The following RANGAP1 variants were observed in gnomAD, a reference collection of about 807,000 sequenced individuals.
RANGAP1 encodes the protein ran GTPase-activating protein 1.
Under a neutral mutation model 63.5 loss-of-function variants are expected in RANGAP1, and 38 were observed. The ratio of observed to expected loss-of-function variants is 0.60; its 90% CI spans 0.46 to 0.78. RANGAP1 has a LOEUF of 0.78. Ranked by LOEUF, RANGAP1 falls within the 30% of genes least tolerant of loss-of-function variation. RANGAP1 has a pLI of 0.00. For missense variants in RANGAP1, 630 were observed against 740.3 expected (o/e 0.85, Z 1.73); for synonymous variants, 329 against 310.5 (o/e 1.06, Z -0.63).
upstream of RANGAP1, among the ~76,000 whole-genome samples, chr22:41,288,529 A>G (rs1277312410): frequency 6.6e-6 from 1 of 152,124 alleles, no homozygotes; most frequent in African/African-American, 2.4e-5. Context: ...GCTAGGACTG[A>G]TCGAATCAGT....
At position 41,285,987 on chromosome 22, in the gene RANGAP1, G is replaced by T. The variant is rs2035733673; in HGVS notation, c.-40C>A. On this transcript the variant is annotated splice_region_variant and 5_prime_UTR_variant, in exon 1 of 16. Coordinates refer to ENST00000356244, the MANE Select transcript of RANGAP1 (RefSeq NM_002883.4). ...AAAGGAAAGGGACCCTGACTCTACC[G>T]TAAACAGGCGGCGCCGCCGCGTGGG... The T allele has an allele frequency of 6.6e-6, 1 of 152,518 alleles. No homozygotes were observed. Among genetic ancestry groups the T allele is most frequent in the African/African-American group, 2.4e-5 (1 of 41,472 alleles). The allele number at this position is 152,518 out of a possible 1,614,324, so 9.4% of individuals were successfully genotyped here.
chr22:41,268,601 T>G (rs2145782277), intron 3 of RANGAP1, among the ~76,000 whole-genome samples: 1 of 152,210 alleles, frequency 6.6e-6, no homozygotes, highest in East Asian at 1.9e-4. Flanking sequence ...GGACCCATTC[T>G]GGCTGTAGTT....
intron 10 of RANGAP1, among the ~76,000 whole-genome samples, chr22:41,255,060 C>T (rs1162261936): frequency 2.0e-5 from 3 of 151,836 alleles, no homozygotes; most frequent in African/African-American, 2.4e-5. Flanking sequence ...AGACAGAAAA[C>T]GAAGACAGCT....
chr22:41,294,100 G>C, the RANGAP1 span, among the ~76,000 whole-genome samples: 2 of 152,048 alleles, frequency 1.3e-5, no homozygotes, highest in African/African-American at 2.4e-5. Flanking sequence ...CTCTGATGCC[G>C]AGCCGAAGCT....
intron 3 of RANGAP1, among the ~76,000 whole-genome samples, chr22:41,273,835 G>A (rs2034983258): frequency 6.7e-6 from 1 of 148,604 alleles, no homozygotes; most frequent in South Asian, 2.1e-4. Flanking sequence ...CAGCACTTTG[G>A]GAGGCCGAGG....
intron 10 of RANGAP1, 75 bp downstream of exon 10, chr22:41,255,946 T>G (rs1285613840): frequency 1.4e-6 from 2 of 1,427,746 alleles, no homozygotes; most frequent in Non-Finnish European, 1.9e-6. Flanking sequence ...AGAGCAAGAC[T>G]CCATCTCAAG....
At chr22:41,272,605 C>T (rs1024099135) in intron 3 of RANGAP1, among the ~76,000 whole-genome samples, 15 of 152,104 alleles carry the variant, frequency 9.9e-5, no homozygotes, top group African/African-American at 3.4e-4. Flanking sequence ...ACTGCAACCT[C>T]TGCCTCCTGG....
intron 2 of RANGAP1, among the ~76,000 whole-genome samples, chr22:41,279,397 G>A (rs1388149366): frequency 6.6e-6 from 1 of 151,694 alleles, no homozygotes; most frequent in Non-Finnish European, 1.5e-5. Context: ...GTGAACCAGG[G>A]AGGCAGAGCT....
chr22:41,250,854 G>A (rs933417692), intron 13 of RANGAP1, among the ~76,000 whole-genome samples, 153 bp downstream of exon 13: 4 of 152,150 alleles, frequency 2.6e-5, no homozygotes, highest in East Asian at 1.9e-4. Context: ...CTGGCTCCAC[G>A]GCAGGACCCT....
At chr22:41,294,448 G>C in the RANGAP1 span, among the ~76,000 whole-genome samples, 3 of 151,728 alleles carry the variant, frequency 2.0e-5, no homozygotes, top group Non-Finnish European at 4.4e-5. Flanking sequence ...AAAGTGCCGA[G>C]ATTGCAGCCT....
upstream of RANGAP1, among the ~76,000 whole-genome samples, chr22:41,290,869 CAT>C (rs1301780673): frequency 1.3e-5 from 2 of 152,202 alleles, no homozygotes; most frequent in African/African-American, 4.8e-5. Context: ...GTATGCCAGA[CAT>C]GTGAGGAATG....
chr22:41,252,507 C>T (rs2033529739), intron 12 of RANGAP1, among the ~76,000 whole-genome samples: 1 of 152,076 alleles, frequency 6.6e-6, no homozygotes, highest in East Asian at 1.9e-4. Flanking sequence ...ATAGGCACGT[C>T]ACTTCCAAAG....
At chr22:41,276,874 T>C (rs1478598373) in intron 2 of RANGAP1, among the ~76,000 whole-genome samples, 1 of 150,254 alleles carries the variant, frequency 6.7e-6, no homozygotes, top group Non-Finnish European at 1.5e-5. Flanking sequence ...TCCCAGCTGC[T>C]CGGAAGGCTG....
At chr22:41,287,006 G>A (rs1018090679), upstream of RANGAP1, among the ~76,000 whole-genome samples, 83 of 152,208 alleles carry the variant, frequency 5.5e-4, no homozygotes, top group African/African-American at 1.9e-3. Context: ...GCAAGACATG[G>A]TCCTGGATCG....
upstream of RANGAP1, among the ~76,000 whole-genome samples, chr22:41,287,997 A>AT (rs2035793136): frequency 3.9e-5 from 6 of 152,164 alleles, no homozygotes; most frequent in South Asian, 4.1e-4. Flanking sequence ...AAATAAATAA[A>AT]TAAATTAATT....
Position 41,276,934 on chromosome 22 carries a change from G to A in RANGAP1, c.113-2207C>T, listed in dbSNP as rs566725648. Among the ~76,000 whole-genome samples the A allele has an allele frequency of 8.1e-5, 12 of 148,022 alleles. 2 individuals are homozygous for A. The South Asian group carries it at 2.4e-3, about 30-fold the overall frequency. On this transcript the variant is annotated intron_variant, in intron 2 of 15. Coordinates refer to ENST00000356244, the MANE Select transcript of RANGAP1 (RefSeq NM_002883.4). ...CCAGGAGGCGGAGGTAGCAGTGAGCGAGATCTTGCCACTGCACTCCAGCCT... is the reference window on the plus strand; with the variant it reads ...CCAGGAGGCGGAGGTAGCAGTGAGCAAGATCTTGCCACTGCACTCCAGCCT...
At chr22:41,297,511 A>AC in the RANGAP1 span, among the ~76,000 whole-genome samples, 5 of 149,826 alleles carry the variant, frequency 3.3e-5, no homozygotes, top group African/African-American at 4.9e-5. Flanking sequence ...TGGGTACAGT[A>AC]CTTTTTTTTT....
At chr22:41,265,169 A>G (rs2034395344) in intron 4 of RANGAP1, among the ~76,000 whole-genome samples, 1 of 152,210 alleles carries the variant, frequency 6.6e-6, no homozygotes. Flanking sequence ...AGACATAAGC[A>G]TGAAGCAGCA....
the RANGAP1 span, among the ~76,000 whole-genome samples, chr22:41,297,667 C>T: frequency 6.7e-6 from 1 of 148,604 alleles, no homozygotes; most frequent in Non-Finnish European, 1.5e-5. Context: ...GGGGACTACA[C>T]ACACATCACC....
Sources: allele counts gnomAD v4.1 joint callset (sites outside exome capture counted in the v4.1 genomes callset), GRCh38; gene constraint gnomAD v4.1.1; transcripts MANE v1.5; gene names NCBI Gene and HGNC (gene_info 2026-07-23, HGNC 2026-07-21).